MCTP1: variants seen among roughly 807,000 people sequenced by gnomAD.
The protein encoded by MCTP1 is multiple C2 and transmembrane domain containing 1.
A neutral mutation model predicts 120.6 loss-of-function variants in MCTP1; 69 were observed. The observed-to-expected ratio is 0.57, with a 90% CI of 0.47 to 0.70. The LOEUF (loss-of-function observed/expected upper bound fraction) is 0.70. Ranked by LOEUF, MCTP1 falls within the 30% of genes least tolerant of loss-of-function variation. MCTP1 has a pLI of 0.00. For missense variants in MCTP1, 1,203 were observed against 1,248.8 expected (o/e 0.96, Z 0.55); for synonymous variants, 529 against 493.1 (o/e 1.07, Z -0.96).
chr5:95,054,451 G>A (rs1053702161), intron 1 of MCTP1, among the ~76,000 whole-genome samples: 6 of 152,136 alleles, frequency 3.9e-5, no homozygotes, highest in African/African-American at 9.7e-5. Context: ...AAAAATGGAC[G>A]AATTAAAAAT....
At chr5:95,218,803 G>A (rs994093091) in intron 1 of MCTP1, among the ~76,000 whole-genome samples, 3 of 152,144 alleles carry the variant, frequency 2.0e-5, no homozygotes, top group African/African-American at 4.8e-5. Context: ...TTGCTCTGAG[G>A]CTACCAACCT....
intron 15 of MCTP1, 107 bp from the exon 16 acceptor site, chr5:94,870,598 T>C: frequency 1.2e-6 from 1 of 845,190 alleles, no homozygotes; most frequent in South Asian, 1.5e-5. Flanking sequence ...AAGTCCTGGC[T>C]GCTGTGCTCA....
intron 2 of MCTP1, among the ~76,000 whole-genome samples, chr5:94,968,742 AC>A (rs1242774279): frequency 6.6e-6 from 1 of 152,202 alleles, no homozygotes; most frequent in Non-Finnish European, 1.5e-5. Flanking sequence ...TGCTATTGAA[AC>A]CAAAGGTTAG....
chr5:95,066,243 G>T (rs1460902705), intron 1 of MCTP1, among the ~76,000 whole-genome samples: 1 of 152,020 alleles, frequency 6.6e-6, no homozygotes, highest in East Asian at 1.9e-4. Flanking sequence ...ACAAGTATAT[G>T]AAAAAATGCT....
At chr5:95,163,682 A>G (rs1250210312) in intron 1 of MCTP1, among the ~76,000 whole-genome samples, 1 of 152,204 alleles carries the variant, frequency 6.6e-6, no homozygotes, top group Non-Finnish European at 1.5e-5. Flanking sequence ...TTTTCTTCAA[A>G]GCAATTAAAT....
intron 1 of MCTP1, among the ~76,000 whole-genome samples, chr5:95,136,544 G>A (rs1334731691): frequency 2.0e-5 from 3 of 152,162 alleles, no homozygotes; most frequent in Non-Finnish European, 2.9e-5. Flanking sequence ...GAAAATTCAA[G>A]GGGGAGGGAA....
At chr5:95,172,235 A>G (rs953342480) in intron 1 of MCTP1, among the ~76,000 whole-genome samples, 1 of 152,226 alleles carries the variant, frequency 6.6e-6, no homozygotes, top group Non-Finnish European at 1.5e-5. Context: ...ATTGCTGAAC[A>G]GCAAATGTTG....
At chr5:94,905,316 G>C (rs2153426941) in intron 10 of MCTP1, among the ~76,000 whole-genome samples, 1 of 152,336 alleles carries the variant, frequency 6.6e-6, no homozygotes, top group Middle Eastern at 3.4e-3. Flanking sequence ...CCACTGAAGG[G>C]ACTGTGGCTG....
intron 17 of MCTP1, among the ~76,000 whole-genome samples, chr5:94,810,176 A>G (rs1783129928): frequency 1.3e-5 from 2 of 152,140 alleles, no homozygotes; most frequent in African/African-American, 2.4e-5. Flanking sequence ...CAATTTCTAT[A>G]TATTTTCTAA....
chr5:94,900,553 A>G (rs896927608), intron 10 of MCTP1, among the ~76,000 whole-genome samples: 1 of 152,152 alleles, frequency 6.6e-6, no homozygotes, highest in Non-Finnish European at 1.5e-5. Flanking sequence ...TCATTAATTA[A>G]TTCTTTCATT....
chr5:95,153,856 C>T (rs527237172), intron 1 of MCTP1, among the ~76,000 whole-genome samples: 2 of 151,950 alleles, frequency 1.3e-5, no homozygotes, highest in South Asian at 4.2e-4. Flanking sequence ...AAGGTTATTT[C>T]TTCTTTCCAA....
intron 1 of MCTP1, among the ~76,000 whole-genome samples, chr5:95,022,648 C>T (rs755489350): frequency 9.2e-5 from 14 of 152,034 alleles, no homozygotes; most frequent in South Asian, 2.1e-4. Context: ...ATAAAGTTGG[C>T]GAATCCATGG....
intron 12 of MCTP1, among the ~76,000 whole-genome samples, chr5:94,880,585 T>C (rs527360044): frequency 1.3e-5 from 2 of 152,270 alleles, no homozygotes; most frequent in East Asian, 3.9e-4. Context: ...CATCCAGGAA[T>C]CTGTTATTTA....
intron 1 of MCTP1, among the ~76,000 whole-genome samples, chr5:95,162,369 A>G (rs1013105200): frequency 6.6e-6 from 1 of 152,194 alleles, no homozygotes; most frequent in African/African-American, 2.4e-5. Context: ...AGATTTTTCA[A>G]CACTTCTTTG....
chr5:95,134,143 G>C (rs1351822015), intron 1 of MCTP1, among the ~76,000 whole-genome samples: 1 of 152,174 alleles, frequency 6.6e-6, no homozygotes, highest in Non-Finnish European at 1.5e-5. Flanking sequence ...AAATAGGTGA[G>C]ATTGGAAACA....
rs34561115 is a variant in MCTP1, at chr5:94,982,884, C to CAAAAAAAAAAAAAAAAAAAAAAAAA, written c.839-29548_839-29524dup. ...ACCTGGGGGACAGAGCACACTTCAT[C>CAAAAAAAAAAAAAAAAAAAAAAAAA]AAAAAAAAAAAAAAAAAAAAAAAAA... On this transcript the variant is annotated intron_variant, in intron 2 of 22. Coordinates refer to ENST00000515393, the MANE Select transcript of MCTP1 (RefSeq NM_024717.7). Among the ~76,000 whole-genome samples, 47 of 28,616 alleles carry CAAAAAAAAAAAAAAAAAAAAAAAAA rather than the reference C, an allele frequency of 1.6e-3. 7 individuals are homozygous for CAAAAAAAAAAAAAAAAAAAAAAAAA. The highest frequency in any genetic ancestry group is 3.0e-3 in the Non-Finnish European group (36 of 12,000). The allele number at this position is 28,616 out of a possible 152,430, so 18.8% of individuals were successfully genotyped here.
At chr5:94,709,380 T>C (rs1265705972) in intron 21 of MCTP1, 1 of 152,088 alleles carries the variant, frequency 6.6e-6, no homozygotes, top group Non-Finnish European at 1.5e-5. Flanking sequence ...CCCAAACACA[T>C]TCTGCAAAGT....
chr5:95,060,314 T>G (rs1264576083), intron 1 of MCTP1, among the ~76,000 whole-genome samples: 1 of 152,118 alleles, frequency 6.6e-6, no homozygotes, highest in Non-Finnish European at 1.5e-5. Context: ...GTTCTGGCAT[T>G]CTGGGTGACT....
At chr5:94,744,517 T>G (rs184704645) in intron 19 of MCTP1, among the ~76,000 whole-genome samples, 1 of 151,890 alleles carries the variant, frequency 6.6e-6, no homozygotes, top group African/African-American at 2.4e-5. Flanking sequence ...AACATTTTTT[T>G]TTTTGAGACA....
Sources: gnomAD v4.1 joint callset for allele counts (sites outside exome capture counted in the v4.1 genomes callset) on GRCh38, gnomAD v4.1.1 for gene constraint, MANE v1.5 for transcripts, NCBI Gene and HGNC (gene_info 2026-07-23, HGNC 2026-07-21) for gene names.